Variants in IL1RAPL1 observed in about 807,000 individuals in gnomAD.
IL1RAPL1 encodes the protein interleukin-1 receptor accessory protein-like 1.
IL1RAPL1 carries 3 observed loss-of-function variants against 48.4 expected under a neutral mutation model. The observed-to-expected ratio is 0.06, with a 90% CI of 0.03 to 0.16. IL1RAPL1 has a LOEUF of 0.16. Among genes scored for constraint, IL1RAPL1 ranks in the 10% least tolerant of loss-of-function variants. The pLI is 1.00. For synonymous variants in IL1RAPL1, 185 were observed against 187.7 expected (o/e 0.99, Z 0.12); for missense variants, 349 against 530.6 (o/e 0.66, Z 3.36).
Position 29,484,007 on chromosome X carries a change from A to T in IL1RAPL1, c.703+84699A>T, listed in dbSNP as rs1333586091. Reference sequence around the variant, plus strand: ...TGCACCTGGCCCAGTAGTCCATTAAAAAAAAAAAAAAAAAAAAACTCATTG... The same window carrying T: ...TGCACCTGGCCCAGTAGTCCATTAATAAAAAAAAAAAAAAAAAACTCATTG... On this transcript the variant is annotated intron_variant, in intron 5 of 10. Transcript: ENST00000378993. Among the ~76,000 whole-genome samples the T allele has an allele frequency of 4.4e-3, 179 of 40,936 alleles. 1 individual carries two copies. Among genetic ancestry groups the T allele is most frequent in the South Asian group, 0.027 (16 of 584 alleles). The allele number at this position is 40,936 out of a possible 115,157, so 35.5% of individuals were successfully genotyped here.
intron 2 of IL1RAPL1, among the ~76,000 whole-genome samples, chrX:29,268,290 AG>A (rs1931987712): frequency 8.9e-6 from 1 of 112,459 alleles, no homozygotes; most frequent in Non-Finnish European, 1.9e-5. Context: ...TTGATTATTC[AG>A]TATTTTCCAA....
At chrX:28,970,662 C>T (rs1925047452) in intron 2 of IL1RAPL1, among the ~76,000 whole-genome samples, 1 of 111,384 alleles carries the variant, frequency 9.0e-6, no homozygotes, top group Non-Finnish European at 1.9e-5. Context: ...CAAAAAGCAA[C>T]AACAGCATTG....
intron 2 of IL1RAPL1, among the ~76,000 whole-genome samples, chrX:28,938,962 C>T (rs1924091146): frequency 9.2e-6 from 1 of 108,986 alleles, no homozygotes; most frequent in African/African-American, 3.3e-5. Context: ...CAAATCAAAA[C>T]CACAATGAGA....
At chrX:29,142,972 G>A (rs978482145) in intron 2 of IL1RAPL1, among the ~76,000 whole-genome samples, 2 of 111,135 alleles carry the variant, frequency 1.8e-5, no homozygotes, top group African/African-American at 6.6e-5. Context: ...TGGGATTACA[G>A]GTGAGCCACC....
At chrX:29,560,992 C>G (rs1569338978) in intron 5 of IL1RAPL1, among the ~76,000 whole-genome samples, 4 of 111,975 alleles carry the variant, frequency 3.6e-5, no homozygotes, top group Non-Finnish European at 1.9e-5. Flanking sequence ...CTCCTTCAAT[C>G]CTTACTAACT....
intron 1 of IL1RAPL1, among the ~76,000 whole-genome samples, chrX:28,769,956 A>G (rs1415287180): frequency 8.9e-6 from 1 of 111,920 alleles, no homozygotes; most frequent in Non-Finnish European, 1.9e-5. Flanking sequence ...CAAAGATCTT[A>G]ATGTATGAGC....
intron 2 of IL1RAPL1, among the ~76,000 whole-genome samples, chrX:29,148,410 T>C (rs1929392812): frequency 8.9e-6 from 1 of 111,864 alleles, no homozygotes. Flanking sequence ...GTTGTCAAGA[T>C]GGTATCTCCC....
At chrX:29,025,580 C>G (rs942741084) in intron 2 of IL1RAPL1, among the ~76,000 whole-genome samples, 11 of 111,535 alleles carry the variant, frequency 9.9e-5, no homozygotes, top group Non-Finnish European at 2.1e-4. Flanking sequence ...TGGGTTCCTA[C>G]TATATTCTAG....
At position 28,966,621 on chromosome X, in the gene IL1RAPL1, T is replaced by C. The variant is rs180860214; in HGVS notation, c.82+177196T>C. Among the ~76,000 whole-genome samples the C allele has an allele frequency of 7.4e-3, 829 of 111,950 alleles. 5 individuals carry two copies. The highest frequency in any genetic ancestry group is 0.01 in the Admixed American group (110 of 10,493). The stretch of plus-strand genomic sequence containing the variant: ...TGGCCAGTATTGTATATAAAGAACT[T>C]AGTGGTTGCAATGTATCAATTAAGC... On this transcript the variant is annotated intron_variant, in intron 2 of 10. Transcript: ENST00000378993.
intron 3 of IL1RAPL1, among the ~76,000 whole-genome samples, chrX:29,309,567 C>A (rs924917566): frequency 1.8e-5 from 2 of 112,162 alleles, no homozygotes; most frequent in African/African-American, 6.5e-5. Context: ...AATCCCAGCA[C>A]TTTGGGAGGC....
Position 29,636,716 on chromosome X carries a change from C to G in IL1RAPL1, c.704-31714C>G, listed in dbSNP as rs192576544. On this transcript the variant is annotated intron_variant, in intron 5 of 10. Transcript: ENST00000378993. ...TGTACTATGTGTATGTAAAGCTACT[C>G]TTTGTCACATAGTTTATAACAGCAA... Among the ~76,000 whole-genome samples the G allele has an allele frequency of 3.3e-3, 368 of 111,551 alleles. 2 individuals are homozygous for G. The highest frequency in any genetic ancestry group is 3.8e-3 in the Non-Finnish European group (202 of 53,132).
At chrX:28,752,004 A>G (rs377162385) in intron 1 of IL1RAPL1, among the ~76,000 whole-genome samples, 3 of 112,053 alleles carry the variant, frequency 2.7e-5, no homozygotes, top group African/African-American at 9.7e-5. Context: ...GGTTTTAACA[A>G]TTATGAAAAA....
At chrX:29,159,458 A>G in intron 2 of IL1RAPL1, among the ~76,000 whole-genome samples, 1 of 111,936 alleles carries the variant, frequency 8.9e-6, no homozygotes, top group Non-Finnish European at 1.9e-5. Flanking sequence ...GGCAGATGAT[A>G]GCTAAGTGCA....
intron 5 of IL1RAPL1, among the ~76,000 whole-genome samples, chrX:29,504,041 A>T (rs766877638): frequency 6.3e-4 from 67 of 106,440 alleles, no homozygotes; most frequent in African/African-American, 2.3e-3. Flanking sequence ...ACTCACTGCA[A>T]CCTCTGCCTC....
intron 2 of IL1RAPL1, among the ~76,000 whole-genome samples, chrX:29,226,444 C>CT (rs57929074): frequency 0.49 from 42,648 of 86,670 alleles, 9,707 homozygotes; most frequent in Non-Finnish European, 0.57. Context: ...TTCTTTCTTT[C>CT]TTTTTTTTTT....
At chrX:29,804,879 T>G (rs1930214635) in intron 6 of IL1RAPL1, among the ~76,000 whole-genome samples, 1 of 112,339 alleles carries the variant, frequency 8.9e-6, no homozygotes, top group African/African-American at 3.2e-5. Flanking sequence ...CCGAGGAACA[T>G]GACCAAACTT....
intron 2 of IL1RAPL1, among the ~76,000 whole-genome samples, chrX:28,858,003 A>C (rs1207122207): frequency 8.9e-6 from 1 of 111,900 alleles, no homozygotes; most frequent in Non-Finnish European, 1.9e-5. Flanking sequence ...CATTATCAGG[A>C]GTTTGGAAGA....
At chrX:29,180,049 C>T (rs1930112144) in intron 2 of IL1RAPL1, among the ~76,000 whole-genome samples, 1 of 109,757 alleles carries the variant, frequency 9.1e-6, no homozygotes, top group East Asian at 2.9e-4. Flanking sequence ...AAAAAATCTA[C>T]TTTAGGCTTA....
intron 5 of IL1RAPL1, among the ~76,000 whole-genome samples, chrX:29,557,134 A>T (rs1922030222): frequency 8.9e-6 from 1 of 111,958 alleles, no homozygotes; most frequent in Non-Finnish European, 1.9e-5. Context: ...GGCCATCTCG[A>T]TACAGCTGAT....
Sources: allele counts gnomAD v4.1 joint callset (sites outside exome capture counted in the v4.1 genomes callset), GRCh38; gene constraint gnomAD v4.1.1; transcripts MANE v1.5; gene names NCBI Gene and HGNC (gene_info 2026-07-23, HGNC 2026-07-21).